OR51B5: variants seen among roughly 807,000 people sequenced by gnomAD.
The protein encoded by OR51B5 is olfactory receptor family 51 subfamily B member 5, also known as olfactory receptor 51B5.
For missense variants in OR51B5, 456 were observed against 374.6 expected, an observed-to-expected ratio of 1.22 and a Z score of -1.79; for synonymous variants, 186 against 144.8, an observed-to-expected ratio of 1.28 and a Z score of -2.04.
At chr11:5,479,704 T>C (rs944213692) in intron 1 of OR51B5, among the ~76,000 whole-genome samples, 53 of 149,068 alleles carry the variant, frequency 3.6e-4, no homozygotes, top group Non-Finnish European at 6.3e-4. Flanking sequence ...AAGGCAGGGG[T>C]TGCAATCCTA....
chr11:5,353,075 T>C (rs1353158019), intron 1 of OR51B5, among the ~76,000 whole-genome samples: 2 of 151,946 alleles, frequency 1.3e-5, no homozygotes, highest in Non-Finnish European at 2.9e-5. Flanking sequence ...TATATGGAGC[T>C]GGCTGCTGTT....
chr11:5,486,875 T>G (rs939248379), intron 1 of OR51B5, among the ~76,000 whole-genome samples: 3 of 152,100 alleles, frequency 2.0e-5, no homozygotes, highest in Non-Finnish European at 4.4e-5. Context: ...TGCTCTGTTA[T>G]GGTAGGAATC....
intron 1 of OR51B5, among the ~76,000 whole-genome samples, chr11:5,357,826 G>A (rs1048565742): frequency 2.0e-5 from 3 of 151,334 alleles, no homozygotes; most frequent in Non-Finnish European, 4.4e-5. Context: ...TAGAACTCAG[G>A]ATTAAGAAAC....
chr11:5,397,298 C>G (rs947305842), intron 1 of OR51B5, among the ~76,000 whole-genome samples: 1 of 152,122 alleles, frequency 6.6e-6, no homozygotes, highest in African/African-American at 2.4e-5. Flanking sequence ...TTTTTGCAAT[C>G]TACTCATCTG....
chr11:5,415,424 T>C (rs566598650), intron 1 of OR51B5, among the ~76,000 whole-genome samples: 270 of 150,380 alleles, frequency 1.8e-3, no homozygotes, highest in African/African-American at 6.2e-3. Flanking sequence ...ATAACTAAAA[T>C]CAGAGCAGAA....
chr11:5,428,792 C>A (rs1350053647), intron 1 of OR51B5, among the ~76,000 whole-genome samples: 1 of 152,174 alleles, frequency 6.6e-6, no homozygotes, highest in Non-Finnish European at 1.5e-5. Context: ...CCATCATAGT[C>A]CCTCCCCCAA....
intron 1 of OR51B5, chr11:5,390,077 G>A (rs776850628): frequency 6.2e-6 from 10 of 1,613,460 alleles, no homozygotes; most frequent in East Asian, 2.2e-5. Flanking sequence ...GGTGCTCATC[G>A]CACTGTCCTA....
chr11:5,417,446 G>T (rs1375136557), intron 1 of OR51B5, among the ~76,000 whole-genome samples: 1 of 151,664 alleles, frequency 6.6e-6, no homozygotes, highest in Non-Finnish European at 1.5e-5. Flanking sequence ...TTAAACTAAA[G>T]ATCTTCTGCG....
chr11:5,420,216 G>A (rs1409164789), intron 1 of OR51B5, among the ~76,000 whole-genome samples: 1 of 151,756 alleles, frequency 6.6e-6, no homozygotes, highest in Non-Finnish European at 1.5e-5. Flanking sequence ...ATCTATGATC[G>A]AATCATTTTC....
intron 1 of OR51B5, among the ~76,000 whole-genome samples, chr11:5,365,479 G>C (rs528420009): frequency 3.9e-4 from 58 of 149,758 alleles, no homozygotes; most frequent in African/African-American, 1.3e-3. Flanking sequence ...ATTCTGGTCT[G>C]CCAGTCAGCA....
At chr11:5,353,147 A>G (rs916633081) in intron 1 of OR51B5, among the ~76,000 whole-genome samples, 3 of 152,078 alleles carry the variant, frequency 2.0e-5, no homozygotes, top group Non-Finnish European at 2.9e-5. Flanking sequence ...ATTTCCCTCA[A>G]TTACTTTCTT....
At chr11:5,351,766 C>G in intron 1 of OR51B5, 1 of 1,614,008 alleles carries the variant, frequency 6.2e-7, no homozygotes, top group Non-Finnish European at 8.5e-7. Context: ...GTGGTTAGAT[C>G]ACAGGGAGAT....
chr11:5,361,494 A>C (rs111781705), intron 1 of OR51B5, among the ~76,000 whole-genome samples: 94 of 152,322 alleles, frequency 6.2e-4, no homozygotes, highest in African/African-American at 2.1e-3. Context: ...GAACAGACTT[A>C]TGAACAGGTC....
intron 1 of OR51B5, among the ~76,000 whole-genome samples, chr11:5,444,167 C>A (rs10500639): frequency 0.13 from 19,667 of 152,110 alleles, 1,655 homozygotes; most frequent in Non-Finnish European, 0.18. Flanking sequence ...CAATTATTTT[C>A]CCATATACAT....
chr11:5,390,291 T>G, intron 1 of OR51B5: 2 of 1,613,944 alleles, frequency 1.2e-6, no homozygotes, highest in African/African-American at 2.7e-5. Context: ...GTGCCTCCCA[T>G]GCTTAACCCA....
chr11:5,360,602 A>T (rs1338958710), intron 1 of OR51B5, among the ~76,000 whole-genome samples: 1 of 152,116 alleles, frequency 6.6e-6, no homozygotes, highest in South Asian at 2.1e-4. Context: ...AGGGATCTAG[A>T]ACTAGAAATA....
rs915572247 is a variant in OR51B5 at position 5,412,962 on chromosome 11, G to C, written n.85-66052C>G. Reference sequence around the variant, plus strand: ...CAGTGGTTCTCCCAGCATGCAGCTGGAGATCTGAGGATGGGCAGACTGCCT... The same window carrying C: ...CAGTGGTTCTCCCAGCATGCAGCTGCAGATCTGAGGATGGGCAGACTGCCT... On this transcript the variant is annotated intron_variant and non_coding_transcript_variant, in intron 1 of 4. Transcript: ENST00000415970. Among the ~76,000 whole-genome samples the C allele has an allele frequency of 1.1e-4, 16 of 152,080 alleles. No individual in the cohort carries two copies. In the East Asian group the frequency reaches 1.2e-3, roughly 11 times the overall value.
chr11:5,399,458 A>G (rs928118976), intron 1 of OR51B5, among the ~76,000 whole-genome samples: 7 of 152,212 alleles, frequency 4.6e-5, no homozygotes, highest in African/African-American at 1.7e-4. Context: ...ATCTTTAAAA[A>G]CAAAGATACT....
upstream of OR51B5, chr11:5,343,555 G>A: frequency 1.4e-6 from 1 of 695,192 alleles, no homozygotes; most frequent in Non-Finnish European, 2.5e-6. Flanking sequence ...ATGTCTTTCT[G>A]TTTCTGTTAT....
Sources: allele counts gnomAD v4.1 joint callset (sites outside exome capture counted in the v4.1 genomes callset), GRCh38; gene constraint gnomAD v4.1.1; transcripts MANE v1.5; gene names NCBI Gene and HGNC (gene_info 2026-07-23, HGNC 2026-07-21).